The following HHAT variants were observed in gnomAD, a reference collection of about 807,000 sequenced individuals.
HHAT encodes the protein protein-cysteine N-palmitoyltransferase HHAT.
A neutral mutation model predicts 70.8 loss-of-function variants in HHAT; 47 were observed. That is an observed-to-expected ratio of 0.66 (90% CI 0.53 to 0.85). The LOEUF is 0.85. HHAT is among the 40% of genes least tolerant of loss of function. The pLI, the probability that HHAT is intolerant of heterozygous loss-of-function variation, is 0.00. For missense variants in HHAT, 609 were observed against 604.8 expected (o/e 1.01, Z -0.07); for synonymous variants, 228 against 247.6 (o/e 0.92, Z 0.74).
At chr1:210,402,142 G>C (rs2092105761) in intron 5 of HHAT, among the ~76,000 whole-genome samples, 1 of 152,212 alleles carries the variant, frequency 6.6e-6, no homozygotes, top group Admixed American at 6.5e-5. Flanking sequence ...TTCTTTTAAG[G>C]AGAAATGCAT....
chr1:210,395,249 G>T (rs1572132515), intron 4 of HHAT, among the ~76,000 whole-genome samples: 2 of 152,142 alleles, frequency 1.3e-5, no homozygotes, highest in African/African-American at 4.8e-5. Flanking sequence ...ACTCTAAGGA[G>T]GGAACCCACC....
At chr1:210,632,115 C>T (rs1181140548) in intron 11 of HHAT, among the ~76,000 whole-genome samples, 1 of 152,178 alleles carries the variant, frequency 6.6e-6, no homozygotes. Context: ...GGAGTATTCT[C>T]TCTAAGGGGA....
chr1:210,577,582 A>G (rs557830781), intron 9 of HHAT, among the ~76,000 whole-genome samples: 2 of 144,654 alleles, frequency 1.4e-5, no homozygotes, highest in African/African-American at 2.6e-5. Context: ...TTGGTTTGCT[A>G]GTATTTTGTT....
intron 8 of HHAT, among the ~76,000 whole-genome samples, chr1:210,503,857 C>T (rs1235196798): frequency 6.6e-6 from 1 of 152,170 alleles, no homozygotes; most frequent in Non-Finnish European, 1.5e-5. Context: ...CCCTTATACA[C>T]ACCCCACGCA....
At chr1:210,448,081 CTTT>C (rs34807311) in intron 7 of HHAT, among the ~76,000 whole-genome samples, 22 of 136,802 alleles carry the variant, frequency 1.6e-4, no homozygotes, top group Admixed American at 2.9e-4. Flanking sequence ...GTTAGAGGTT[CTTT>C]TTTTTTTTTT....
intron 2 of HHAT, among the ~76,000 whole-genome samples, chr1:210,349,731 A>T (rs1417317386): frequency 6.6e-6 from 1 of 150,962 alleles, no homozygotes; most frequent in Non-Finnish European, 1.5e-5. Flanking sequence ...GCTCACTGCA[A>T]CCTCTGCCTT....
At chr1:210,604,004 G>GA (rs1177839374) in intron 10 of HHAT, among the ~76,000 whole-genome samples, 5 of 152,212 alleles carry the variant, frequency 3.3e-5, no homozygotes. Context: ...GGAAGGGTGG[G>GA]AAGCAAGGGT....
chr1:210,374,191 A>T (rs564726393), intron 3 of HHAT: 1 of 152,366 alleles, frequency 6.6e-6, no homozygotes, highest in Admixed American at 6.5e-5. Context: ...AAATTAGCTT[A>T]TAACTGATTT....
At chr1:210,474,611 G>A (rs1041784072) in intron 8 of HHAT, among the ~76,000 whole-genome samples, 2 of 152,112 alleles carry the variant, frequency 1.3e-5, no homozygotes, top group African/African-American at 4.8e-5. Context: ...ATCCTCCAGC[G>A]GCATGCATTC....
intron 11 of HHAT, among the ~76,000 whole-genome samples, chr1:210,659,305 C>A (rs552475426): frequency 6.6e-6 from 1 of 152,170 alleles, no homozygotes; most frequent in African/African-American, 2.4e-5. Context: ...ATACTATAAA[C>A]ACCTCTATGC....
chr1:210,641,688 A>G (rs544924572), intron 11 of HHAT, among the ~76,000 whole-genome samples: 4 of 152,216 alleles, frequency 2.6e-5, no homozygotes, highest in Non-Finnish European at 5.9e-5. Context: ...TTCTAAGTGA[A>G]TGCAGAAAAC....
chr1:210,526,608 T>C (rs1486716674), intron 9 of HHAT, among the ~76,000 whole-genome samples: 1 of 152,110 alleles, frequency 6.6e-6, no homozygotes, highest in Non-Finnish European at 1.5e-5. Context: ...GTACCTCTCT[T>C]GCTGCAGTGG....
chr1:210,523,152 C>A (rs1161331994), intron 9 of HHAT, among the ~76,000 whole-genome samples: 1 of 152,124 alleles, frequency 6.6e-6, no homozygotes, highest in African/African-American at 2.4e-5. Flanking sequence ...TCCTCAGAAC[C>A]AGACTTTATA....
chr1:210,491,351 C>T (rs772697115), intron 8 of HHAT, among the ~76,000 whole-genome samples: 3 of 152,128 alleles, frequency 2.0e-5, no homozygotes, highest in East Asian at 1.9e-4. Context: ...GCCTAACACC[C>T]GTGGCTCCCT....
chr1:210,450,291 A>AGG (rs1407285918), intron 7 of HHAT, among the ~76,000 whole-genome samples: 4 of 75,478 alleles, frequency 5.3e-5, no homozygotes, highest in Non-Finnish European at 1.2e-4. Flanking sequence ...ACTGCGTCTC[A>AGG]GGTGGGGGGG....
At chr1:210,664,465 G>A (rs1678461522) in intron 11 of HHAT, among the ~76,000 whole-genome samples, 1 of 152,222 alleles carries the variant, frequency 6.6e-6, no homozygotes, top group Non-Finnish European at 1.5e-5. Context: ...TGTGAAGCTG[G>A]TGGGATGGTG....
At chr1:210,423,780 A>T (rs1014200547) in intron 7 of HHAT, among the ~76,000 whole-genome samples, 5 of 152,178 alleles carry the variant, frequency 3.3e-5, no homozygotes, top group African/African-American at 1.2e-4. Flanking sequence ...TCTCAGTACC[A>T]TTTGTTGAAC....
At chr1:210,620,798 A>C (rs1668664298) in intron 10 of HHAT, among the ~76,000 whole-genome samples, 2 of 151,994 alleles carry the variant, frequency 1.3e-5, no homozygotes, top group South Asian at 4.1e-4. Flanking sequence ...CATTTATAAA[A>C]TTGAATTGTA....
chr1:210,573,486 CA>C (rs1177823701), intron 9 of HHAT, among the ~76,000 whole-genome samples: 1 of 152,206 alleles, frequency 6.6e-6, no homozygotes, highest in Non-Finnish European at 1.5e-5. Flanking sequence ...CATCCCCTTG[CA>C]GATATCAAAT....
Sources: allele counts gnomAD v4.1 joint callset (sites outside exome capture counted in the v4.1 genomes callset), GRCh38; gene constraint gnomAD v4.1.1; transcripts MANE v1.5; gene names NCBI Gene and HGNC (gene_info 2026-07-23, HGNC 2026-07-21).